MTREX: variants seen among roughly 807,000 people sequenced by gnomAD.
The protein encoded by MTREX is exosome RNA helicase MTR4.
Under a neutral mutation model 135.4 loss-of-function variants are expected in MTREX, and 76 were observed. That is an observed-to-expected ratio of 0.56 (90% CI 0.47 to 0.68). The LOEUF (loss-of-function observed/expected upper bound fraction) is 0.68. Among genes scored for constraint, MTREX ranks in the 30% least tolerant of loss-of-function variants. The pLI, the probability that MTREX is intolerant of heterozygous loss-of-function variation, is 0.00. For synonymous variants in MTREX, 404 were observed against 401.6 expected (o/e 1.01, Z -0.07); for missense variants, 920 against 1,262.1 (o/e 0.73, Z 4.11).
At position 55,400,288 on chromosome 5, in the gene MTREX, T is replaced by C. The variant is rs762947662; in HGVS notation, c.2348T>C (p.Met783Thr). 6.8e-6 allele frequency: 11 copies of C among 1,613,114 alleles called. No individual in the cohort carries two copies. The highest frequency in any genetic ancestry group is 9.3e-6 in the Non-Finnish European group (11 of 1,179,492). The change falls in exon 21 of 27, where the codon ATG becomes ACG. Residue 783 changes from methionine (M) to threonine (T), a missense_variant. By Grantham distance (81) the Met-to-Thr change is moderately conservative (BLOSUM62 -1). Transcript: ENST00000230640. ...GIPLLDPIDDMGIQDQGLKKV... is the reference protein window; with the variant it reads ...GIPLLDPIDDTGIQDQGLKKV... The stretch of plus-strand genomic sequence containing the variant: ...CCCTTATTAGACCCTATTGATGATA[T>C]GGGCATTCAAGATCAAGGGCTGAAA...
At chr5:55,382,824 G>T (rs143988081) in intron 18 of MTREX, among the ~76,000 whole-genome samples, 1 of 152,138 alleles carries the variant, frequency 6.6e-6, no homozygotes, top group East Asian at 1.9e-4. Flanking sequence ...AGTAGAGACA[G>T]TGTTTCACCA....
At chr5:55,384,284 C>T (rs1212826925) in intron 18 of MTREX, among the ~76,000 whole-genome samples, 1 of 152,208 alleles carries the variant, frequency 6.6e-6, no homozygotes, top group Non-Finnish European at 1.5e-5. Context: ...TTCAGATCTA[C>T]TGTTGGGCTC....
intron 16 of MTREX, among the ~76,000 whole-genome samples, chr5:55,372,977 C>T (rs901534414): frequency 3.3e-5 from 4 of 121,436 alleles, no homozygotes; most frequent in African/African-American, 9.4e-5. Flanking sequence ...ATTTTTATAC[C>T]CTTTGTTATA....
In MTREX at chr5:55,425,568, G is replaced by C. The variant is rs1331365348; in HGVS notation, c.*796G>C. 3 of 454,848 alleles carry C rather than the reference G, an allele frequency of 6.6e-6. No individual in the cohort carries two copies. The highest frequency in any genetic ancestry group is 3.7e-6 in the Non-Finnish European group (1 of 267,354). 28.2% of individuals were successfully genotyped at this position (454,848 alleles called of 1,614,324 possible). On this transcript the variant is annotated 3_prime_UTR_variant, in exon 27 of 27. Coordinates refer to ENST00000230640, the MANE Select transcript of MTREX (RefSeq NM_015360.5). ...TTCATTTTGCCAATACTGAATAAAA[G>C]AGTTATTTCTACATGTGAATTAGTT... is the stretch of plus-strand genomic sequence containing the variant.
At chr5:55,351,220 A>G (rs140923040) in intron 13 of MTREX, among the ~76,000 whole-genome samples, 191 bp downstream of exon 13, 1 of 152,166 alleles carries the variant, frequency 6.6e-6, no homozygotes, top group Admixed American at 6.5e-5. Context: ...AAAAAAAAAC[A>G]TTTGTTTCCT....
At chr5:55,402,578 G>GT (rs1750738877) in intron 21 of MTREX, among the ~76,000 whole-genome samples, 1 of 152,172 alleles carries the variant, frequency 6.6e-6, no homozygotes, top group South Asian at 2.1e-4. Context: ...GCAATAACAT[G>GT]TAAGAAAGCT....
chr5:55,310,702 G>T (rs1317662369), intron 1 of MTREX, among the ~76,000 whole-genome samples: 1 of 152,162 alleles, frequency 6.6e-6, no homozygotes, highest in Non-Finnish European at 1.5e-5. Context: ...TGTAACATAG[G>T]AGGGCAAATC....
chr5:55,380,422 C>G (rs957724190), intron 18 of MTREX, among the ~76,000 whole-genome samples: 1 of 152,112 alleles, frequency 6.6e-6, no homozygotes, highest in Non-Finnish European at 1.5e-5. Flanking sequence ...CTTCCATATC[C>G]CCCAGAAATA....
chr5:55,402,694 A>G (rs975728602), intron 21 of MTREX, among the ~76,000 whole-genome samples: 3 of 151,948 alleles, frequency 2.0e-5, no homozygotes, highest in African/African-American at 7.3e-5. Flanking sequence ...GGAAAACTTT[A>G]AGTGGTTGTG....
In MTREX at chr5:55,366,895, ACAGAG is replaced by A. The variant is rs753820911; in HGVS notation, c.1810+22_1810+26del. The stretch of plus-strand genomic sequence containing the variant: ...TAGAGAGTAAGTATAAAATACCATA[ACAGAG>A]CTTAGTGTAGCTAGGAGACTGACTA... On this transcript the variant is annotated intron_variant, in intron 16 of 26. Transcript: ENST00000230640. 1.3e-5 allele frequency: 20 copies of A among 1,568,012 alleles called. No homozygotes were observed. The highest frequency in any genetic ancestry group is 1.8e-5 in the Admixed American group (1 of 55,358).
chr5:55,308,487 G>A (rs1749019485), intron 1 of MTREX, among the ~76,000 whole-genome samples: 1 of 152,120 alleles, frequency 6.6e-6, no homozygotes, highest in South Asian at 2.1e-4. Flanking sequence ...TGAGTAAAAG[G>A]TGAAAAGGTT....
In MTREX at chr5:55,350,937, C is replaced by G. The variant is rs759025196; in HGVS notation, c.1339C>G (p.Leu447Val). The G allele has an allele frequency of 6.2e-7, 1 of 1,603,138 alleles. No homozygotes were observed. The highest frequency in any genetic ancestry group is 1.1e-5 in the South Asian group (1 of 87,416). ...KLPQVEHVLPLLKRGIGIHHG... is the reference protein window; with the variant it reads ...KLPQVEHVLPVLKRGIGIHHG... The stretch of plus-strand genomic sequence containing the variant: ...ATCACAGGTAGAACATGTACTTCCT[C>G]TTTTGAAGAGGGGAATTGGTATTCA... Residue 447 changes from leucine to valine, a missense_variant, in exon 13 of 27, where the codon CTT becomes GTT. Leu to Val is a conservative substitution (Grantham distance 32). Coordinates refer to ENST00000230640, the MANE Select transcript of MTREX (RefSeq NM_015360.5).
chr5:55,375,594 C>T (rs951441038), intron 16 of MTREX, among the ~76,000 whole-genome samples: 2 of 152,120 alleles, frequency 1.3e-5, no homozygotes, highest in Admixed American at 6.5e-5. Context: ...CTCAAACACA[C>T]ATGTTGTACA....
At chr5:55,313,439 C>T (rs183815117) in intron 1 of MTREX, among the ~76,000 whole-genome samples, 4 of 151,026 alleles carry the variant, frequency 2.6e-5, no homozygotes, top group Admixed American at 2.6e-4. Flanking sequence ...AGACATGTCT[C>T]AAAAAAAAGA....
intron 20 of MTREX, among the ~76,000 whole-genome samples, chr5:55,399,082 T>C (rs182031429): frequency 8.5e-5 from 13 of 152,324 alleles, no homozygotes; most frequent in Admixed American, 3.9e-4. Flanking sequence ...AGTGACTCAG[T>C]TTCTTTATAT....
chr5:55,388,577 G>C (rs1328457006), intron 19 of MTREX, among the ~76,000 whole-genome samples: 1 of 152,134 alleles, frequency 6.6e-6, no homozygotes, highest in Non-Finnish European at 1.5e-5. Flanking sequence ...TAGGGTTTGT[G>C]TTAGATGATT....
chr5:55,386,125 C>T (rs1031906116), intron 18 of MTREX, among the ~76,000 whole-genome samples: 3 of 151,954 alleles, frequency 2.0e-5, no homozygotes, highest in African/African-American at 7.3e-5. Flanking sequence ...TCCAAACCGA[C>T]GAAGAAAACT....
intron 16 of MTREX, among the ~76,000 whole-genome samples, chr5:55,377,600 A>T (rs1451153824): frequency 2.0e-5 from 3 of 152,220 alleles, no homozygotes; most frequent in Non-Finnish European, 4.4e-5. Context: ...TTAATGACTA[A>T]ATACAAGTCT....
intron 25 of MTREX, among the ~76,000 whole-genome samples, chr5:55,419,807 C>T (rs1168723013): frequency 1.3e-5 from 2 of 152,144 alleles, no homozygotes; most frequent in African/African-American, 4.8e-5. Flanking sequence ...GTCCTGCTCC[C>T]TCTGTATGCC....
Sources: allele counts gnomAD v4.1 joint callset (sites outside exome capture counted in the v4.1 genomes callset), GRCh38; gene constraint gnomAD v4.1.1; transcripts MANE v1.5; gene names NCBI Gene and HGNC (gene_info 2026-07-23, HGNC 2026-07-21).